Variants in CCDC73 observed in about 807,000 individuals in gnomAD.
The protein encoded by CCDC73 is coiled-coil domain-containing protein 73.
CCDC73 carries 95 observed loss-of-function variants against 116.5 expected under a neutral mutation model. That is an observed-to-expected ratio of 0.82 (90% confidence interval 0.69 to 0.97). CCDC73 has a LOEUF of 0.97. CCDC73 is among the 50% of genes least tolerant of loss of function. The pLI is 0.00. For synonymous variants in CCDC73, 398 were observed against 401.3 expected (o/e 0.99, Z 0.10); for missense variants, 1,066 against 1,206.8 (o/e 0.88, Z 1.73).
intron 1 of CCDC73, among the ~76,000 whole-genome samples, chr11:32,774,367 T>A (rs1035334678): frequency 2.0e-5 from 3 of 152,224 alleles, no homozygotes; most frequent in African/African-American, 7.2e-5. Flanking sequence ...TTCTGTTAAA[T>A]CATTGTCTAT....
chr11:32,773,471 TG>T (rs1267038283), intron 1 of CCDC73, among the ~76,000 whole-genome samples: 2 of 152,104 alleles, frequency 1.3e-5, no homozygotes, highest in East Asian at 3.8e-4. Context: ...TTTTAAAAAG[TG>T]GAATGATACA....
At chr11:32,743,560 G>A (rs1334452807) in intron 2 of CCDC73, among the ~76,000 whole-genome samples, 1 of 152,092 alleles carries the variant, frequency 6.6e-6, no homozygotes, top group African/African-American at 2.4e-5. Flanking sequence ...TTTTCCATTT[G>A]TTTGTGTCCT....
chr11:32,799,916 A>G, the CCDC73 span, among the ~76,000 whole-genome samples: 4 of 152,220 alleles, frequency 2.6e-5, no homozygotes, highest in Admixed American at 6.5e-5. Context: ...ATTTCTTTCC[A>G]TGCTTGTGGG....
chr11:32,640,292 C>T (rs1295040196), intron 13 of CCDC73, among the ~76,000 whole-genome samples: 1 of 152,100 alleles, frequency 6.6e-6, no homozygotes, highest in Non-Finnish European at 1.5e-5. Flanking sequence ...TGAGGCCTCA[C>T]CAGTGAAACT....
intron 1 of CCDC73, among the ~76,000 whole-genome samples, chr11:32,793,583 T>C (rs532335143): frequency 6.1e-4 from 93 of 151,880 alleles, no homozygotes; most frequent in Admixed American, 1.1e-3. Context: ...AAGTGGAAGA[T>C]TGCAGCAATG....
In CCDC73 at chr11:32,654,842, A is replaced by T. The variant is rs769943748; in HGVS notation, c.774+2T>A. On this transcript the variant is annotated splice_donor_variant, in intron 10 of 17. Transcript: ENST00000335185. LOFTEE classifies it high-confidence loss of function. The stretch of plus-strand genomic sequence containing the variant: ...TATAAACAAATACATTTAATAAAAT[A>T]CCATGTTGAGTCTTTCTTGAAGTTC... 6.8e-7 allele frequency: 1 copy of T among 1,471,554 alleles called. No homozygotes were observed. The highest frequency in any genetic ancestry group is 9.3e-7 in the Non-Finnish European group (1 of 1,080,448). The allele number at this position is 1,471,554 out of a possible 1,614,324, so 91.2% of individuals were successfully genotyped here.
At chr11:32,619,929 CAG>C (rs1450071631) in intron 14 of CCDC73, among the ~76,000 whole-genome samples, 1 of 151,494 alleles carries the variant, frequency 6.6e-6, no homozygotes, top group African/African-American at 2.4e-5. Context: ...ACACTGCTTA[CAG>C]AGAGTGTATT....
At chr11:32,714,865 T>C (rs950700109) in intron 3 of CCDC73, among the ~76,000 whole-genome samples, 1 of 152,134 alleles carries the variant, frequency 6.6e-6, no homozygotes, top group African/African-American at 2.4e-5. Context: ...CACCTGAATA[T>C]TGTATAAAAT....
rs534692584 is a variant in CCDC73, at chr11:32,661,161, G to T, written c.646-6189C>A. ...CAGAATATCAAATACCTTCAAGGTG[G>T]TGACATGCTAGTCTGCAGTTCTGCA... On this transcript the variant is annotated intron_variant, in intron 9 of 17. Coordinates refer to ENST00000335185, the MANE Select transcript of CCDC73 (RefSeq NM_001008391.4). Among the ~76,000 whole-genome samples, 4 of 152,290 alleles carry T rather than the reference G, an allele frequency of 2.6e-5. No homozygotes were observed. In the South Asian group the frequency reaches 8.3e-4, roughly 32 times the overall value.
chr11:32,716,016 C>A (rs999444796), intron 3 of CCDC73, among the ~76,000 whole-genome samples: 2 of 151,990 alleles, frequency 1.3e-5, no homozygotes, highest in Non-Finnish European at 2.9e-5. Flanking sequence ...GACCCTATAA[C>A]CCTCTACATA....
intron 1 of CCDC73, among the ~76,000 whole-genome samples, chr11:32,771,447 G>C (rs1471178331): frequency 6.6e-6 from 1 of 152,172 alleles, no homozygotes; most frequent in Non-Finnish European, 1.5e-5. Flanking sequence ...TTGCATTTCA[G>C]AAATGCCATG....
intron 2 of CCDC73, among the ~76,000 whole-genome samples, chr11:32,753,286 T>G (rs933182919): frequency 9.6e-5 from 13 of 135,170 alleles, no homozygotes; most frequent in Non-Finnish European, 1.7e-4. Context: ...TTAGTTTTTC[T>G]TTTCTGCTTT....
chr11:32,734,415 A>AT (rs71463367), intron 2 of CCDC73, among the ~76,000 whole-genome samples: 30 of 136,616 alleles, frequency 2.2e-4, no homozygotes, highest in Non-Finnish European at 3.9e-4. Context: ...TCCCTAACTC[A>AT]TTTTTTTTTC....
At chr11:32,702,479 A>G (rs1471381590) in intron 4 of CCDC73, among the ~76,000 whole-genome samples, 2 of 152,190 alleles carry the variant, frequency 1.3e-5, no homozygotes, top group African/African-American at 4.8e-5. Flanking sequence ...CTTGCATCTC[A>G]GATTTTGATC....
upstream of CCDC73, among the ~76,000 whole-genome samples, chr11:32,797,995 T>G (rs545115276): frequency 3.3e-5 from 5 of 152,252 alleles, no homozygotes; most frequent in Non-Finnish European, 7.3e-5. Context: ...GTCAAAACTT[T>G]GTTTCATGCA....
chr11:32,758,385 A>G (rs372699222), intron 2 of CCDC73: 1 of 508,024 alleles, frequency 2.0e-6, no homozygotes, highest in East Asian at 5.5e-5. Context: ...GAAGGTTAGG[A>G]AAGCACCAAA....
intron 9 of CCDC73, among the ~76,000 whole-genome samples, chr11:32,670,569 T>C (rs763402895): frequency 6.6e-6 from 1 of 152,132 alleles, no homozygotes; most frequent in Non-Finnish European, 1.5e-5. Flanking sequence ...ACTAGTGATC[T>C]GTTCTAGGTT....
chr11:32,748,783 CTT>C (rs1352167731), intron 2 of CCDC73, among the ~76,000 whole-genome samples: 1 of 152,056 alleles, frequency 6.6e-6, no homozygotes, highest in African/African-American at 2.4e-5. Context: ...CTGGGTAAGT[CTT>C]TATTTCTCCT....
In CCDC73 at chr11:32,675,886, C is replaced by T; in HGVS notation, c.565G>A (p.Val189Ile). 6.3e-7 allele frequency: 1 copy of T among 1,590,844 alleles called. No individual in the cohort carries two copies. Among genetic ancestry groups the T allele is most frequent in the Non-Finnish European group, 8.5e-7 (1 of 1,170,162 alleles). ...TATATTTAAATAAGATAGCACATAC[C>T]ATTTTGTTCTAACTTTTCATGATTC... ...KENHEKLEQN[V>I]REAIQSNKRL... is the part of the protein sequence containing the mutation. The change falls in exon 8 of 18, where the codon GTA becomes ATA. Residue 189 changes from valine to isoleucine, a missense_variant and splice_region_variant. Val to Ile is a conservative substitution (Grantham distance 29). Transcript: ENST00000335185.
Sources: gnomAD v4.1 joint callset for allele counts (sites outside exome capture counted in the v4.1 genomes callset) on GRCh38, gnomAD v4.1.1 for gene constraint, MANE v1.5 for transcripts, NCBI Gene and HGNC (gene_info 2026-07-23, HGNC 2026-07-21) for gene names.